GOLM2: variants seen among roughly 807,000 people sequenced by gnomAD.
GOLM2 encodes protein GOLM2.
In GOLM2, 26 loss-of-function variants were observed where a neutral mutation model predicts 55.9. The observed-to-expected ratio is 0.47, with a 90% confidence interval of 0.34 to 0.65. The LOEUF (loss-of-function observed/expected upper bound fraction) is 0.65. GOLM2 is among the 30% of genes least tolerant of loss of function. The pLI is 0.01. For missense variants in GOLM2, 486 were observed against 531.8 expected (o/e 0.91, Z 0.85); for synonymous variants, 165 against 194.6 (o/e 0.85, Z 1.27).
In GOLM2 at chr15:44,288,748, T is replaced by G; in HGVS notation, c.-282T>G. The G allele has an allele frequency of 2.2e-6, 1 of 462,244 alleles. No homozygotes were observed. Among genetic ancestry groups the G allele is most frequent in the Non-Finnish European group, 3.8e-6 (1 of 260,586 alleles). 28.6% of individuals were successfully genotyped at this position (462,244 alleles called of 1,614,324 possible). A position where few individuals can be genotyped will look rare whatever the true frequency, so the allele number is the denominator to read the frequency against. The stretch of plus-strand genomic sequence containing the variant: ...CCTCCCAACCGTGAGGTGTTGGGTT[T>G]GGGGGACGCTGGCAGCTGGGTTCTC... On this transcript the variant is annotated 5_prime_UTR_variant, in exon 1 of 10. Coordinates refer to ENST00000299957, the MANE Select transcript of GOLM2 (RefSeq NM_138423.4).
intron 1 of GOLM2, among the ~76,000 whole-genome samples, chr15:44,310,790 G>A (rs2078870309): frequency 2.0e-5 from 3 of 151,984 alleles, no homozygotes; most frequent in Admixed American, 6.6e-5. Flanking sequence ...AGGCCAAGGC[G>A]GGCGGATCAC....
intron 3 of GOLM2, among the ~76,000 whole-genome samples, chr15:44,330,169 C>A (rs2079012853): frequency 7.2e-6 from 1 of 139,624 alleles, no homozygotes; most frequent in Admixed American, 7.2e-5. Flanking sequence ...CTCGGCCTCC[C>A]AAAGTGCTGG....
At chr15:44,411,692 G>T (rs1021351669) in intron 9 of GOLM2, among the ~76,000 whole-genome samples, 3 of 151,868 alleles carry the variant, frequency 2.0e-5, no homozygotes, top group Non-Finnish European at 4.4e-5. Flanking sequence ...AGCTGGGTGC[G>T]GTGGCAAGCG....
At chr15:44,351,845 C>T (rs2079167371) in intron 6 of GOLM2, among the ~76,000 whole-genome samples, 1 of 151,678 alleles carries the variant, frequency 6.6e-6, no homozygotes, top group Admixed American at 6.6e-5. Flanking sequence ...AAATAAAATA[C>T]CTAGGAATTA....
chr15:44,327,498 C>T (rs755140291), intron 2 of GOLM2, among the ~76,000 whole-genome samples: 1 of 151,908 alleles, frequency 6.6e-6, no homozygotes, highest in Non-Finnish European at 1.5e-5. Flanking sequence ...AATTCTGTAA[C>T]CCTTCTGTAA....
chr15:44,378,973 C>A (rs752629383), intron 6 of GOLM2, among the ~76,000 whole-genome samples: 1 of 152,118 alleles, frequency 6.6e-6, no homozygotes, highest in African/African-American at 2.4e-5. Context: ...TCTTGAACTC[C>A]TGACCTTGTG....
intron 6 of GOLM2, among the ~76,000 whole-genome samples, chr15:44,369,109 ATATATAT>A: frequency 9.4e-6 from 1 of 106,744 alleles, no homozygotes; most frequent in African/African-American, 3.5e-5. Context: ...ATATATATAT[ATATATAT>A]ACCCGGCTAC....
At chr15:44,303,057 C>T (rs558366137) in intron 1 of GOLM2, among the ~76,000 whole-genome samples, 5 of 151,822 alleles carry the variant, frequency 3.3e-5, no homozygotes, top group East Asian at 1.9e-4. Context: ...GAGTGGAGAT[C>T]GCGCCACTGC....
In GOLM2 at chr15:44,288,796, G is replaced by C. The variant is rs895517716; in HGVS notation, c.-234G>C. The C allele has an allele frequency of 1.8e-6, 1 of 556,708 alleles. No individual in the cohort carries two copies. Among genetic ancestry groups the C allele is most frequent in the African/African-American group, 2.0e-5 (1 of 50,626 alleles). 34.5% of individuals were successfully genotyped at this position (556,708 alleles called of 1,614,324 possible). ...CTCCCGGTTCCCTTGGGCAGGTGCA[G>C]GGTCGGGTTCAAAGCCTCCGGAACG... On this transcript the variant is annotated 5_prime_UTR_variant, in exon 1 of 10. Transcript: ENST00000299957.
At chr15:44,389,251 C>T (rs890666623) in intron 8 of GOLM2, among the ~76,000 whole-genome samples, 4 of 151,964 alleles carry the variant, frequency 2.6e-5, no homozygotes, top group Admixed American at 6.6e-5. Context: ...TCATTGTGGC[C>T]GGGCACAGTG....
At chr15:44,338,172 C>A in intron 5 of GOLM2, 65 bp from the exon 6 acceptor site, 1 of 1,477,202 alleles carries the variant, frequency 6.8e-7, no homozygotes, top group South Asian at 1.2e-5. Flanking sequence ...TGTTACATTC[C>A]TTCAAAACAT....
At chr15:44,404,747 A>AC (rs2079587034) in intron 9 of GOLM2, among the ~76,000 whole-genome samples, 1 of 148,236 alleles carries the variant, frequency 6.7e-6, no homozygotes, top group African/African-American at 2.5e-5. Flanking sequence ...CTTTATACCC[A>AC]CCCCCCACAG....
chr15:44,400,574 C>CTT lies in GOLM2; in HGVS notation c.1073-2287_1073-2286dup, dbSNP rs59386038. Among the ~76,000 whole-genome samples, 64 of 111,012 alleles carry CTT rather than the reference C, an allele frequency of 5.8e-4. 4 individuals are homozygous for CTT. Among genetic ancestry groups the CTT allele is most frequent in the African/African-American group, 7.2e-4 (18 of 24,988 alleles). 72.8% of individuals were successfully genotyped at this position (111,012 alleles called of 152,430 possible). On this transcript the variant is annotated intron_variant, in intron 8 of 9. Transcript: ENST00000299957. ...TCAGGCCATCTGCCCGCCTTGCCGCCTTTTTTTTTTTTTTTTTTTTTTTTT... is the reference window on the plus strand; with the variant it reads ...TCAGGCCATCTGCCCGCCTTGCCGCCTTTTTTTTTTTTTTTTTTTTTTTTTTT...
At chr15:44,331,930 C>A in intron 3 of GOLM2, 58 bp from the exon 4 acceptor site, 1 of 1,232,364 alleles carries the variant, frequency 8.1e-7, no homozygotes, top group South Asian at 1.2e-5. Flanking sequence ...AACTTCTGGA[C>A]AACTTTGAGA....
intron 1 of GOLM2, among the ~76,000 whole-genome samples, chr15:44,291,157 G>A (rs2078718524): frequency 1.3e-5 from 2 of 150,156 alleles, no homozygotes; most frequent in Admixed American, 1.3e-4. Flanking sequence ...TGCCCAGGCT[G>A]GAGTGCAGTA....
At chr15:44,292,316 C>T (rs1407287981) in intron 1 of GOLM2, among the ~76,000 whole-genome samples, 1 of 151,346 alleles carries the variant, frequency 6.6e-6, no homozygotes, top group African/African-American at 2.4e-5. Flanking sequence ...TCTGCTTCAG[C>T]CTCCTGAGTA....
chr15:44,376,062 C>A lies in GOLM2; in HGVS notation c.803-3628C>A, dbSNP rs187188444. ...GACCAGTCTGACCCACATGGAGAAA[C>A]CCCATCTCTACTAAAAATACAAAAT... On this transcript the variant is annotated intron_variant, in intron 6 of 9. Coordinates refer to ENST00000299957, the MANE Select transcript of GOLM2 (RefSeq NM_138423.4). Among the ~76,000 whole-genome samples, 199 of 152,230 alleles carry A rather than the reference C, an allele frequency of 1.3e-3. 1 individual carries two copies. The highest frequency in any genetic ancestry group is 4.6e-3 in the African/African-American group (190 of 41,540).
At chr15:44,332,554 C>T (rs572116634) in intron 4 of GOLM2, among the ~76,000 whole-genome samples, 20 of 144,364 alleles carry the variant, frequency 1.4e-4, no homozygotes, top group African/African-American at 4.1e-4. Flanking sequence ...AGTGAGACTC[C>T]GTTTCAAAAA....
intron 6 of GOLM2, among the ~76,000 whole-genome samples, chr15:44,345,448 G>A (rs942828292): frequency 7.9e-5 from 12 of 151,954 alleles, no homozygotes; most frequent in African/African-American, 2.4e-4. Flanking sequence ...TAGTAGAGAC[G>A]GGGTTTCAAC....
Sources: gnomAD v4.1 joint callset for allele counts (sites outside exome capture counted in the v4.1 genomes callset) on GRCh38, gnomAD v4.1.1 for gene constraint, MANE v1.5 for transcripts, NCBI Gene and HGNC (gene_info 2026-07-23, HGNC 2026-07-21) for gene names.